Variants in CREB5 observed in about 807,000 individuals in gnomAD.
CREB5 encodes the protein cAMP responsive element binding protein 5.
CREB5 carries 19 observed loss-of-function variants against 57.1 expected under a neutral mutation model. The observed-to-expected ratio is 0.33, with a 90% CI of 0.23 to 0.49. The LOEUF (loss-of-function observed/expected upper bound fraction) is 0.49. Ranked by LOEUF, CREB5 falls within the 20% of genes least tolerant of loss-of-function variation. The pLI is 0.99. For synonymous variants in CREB5, 238 were observed against 238.3 expected (o/e 1.00, Z 0.01); for missense variants, 579 against 671.6 (o/e 0.86, Z 1.52).
intron 4 of CREB5, among the ~76,000 whole-genome samples, chr7:28,517,719 G>C (rs565758252): frequency 6.6e-6 from 1 of 152,084 alleles, no homozygotes; most frequent in Non-Finnish European, 1.5e-5. Context: ...AATATCTGTC[G>C]CAGGCTTCTC....
intron 5 of CREB5, among the ~76,000 whole-genome samples, chr7:28,674,360 T>C (rs1434067139): frequency 6.6e-6 from 1 of 152,208 alleles, no homozygotes; most frequent in Non-Finnish European, 1.5e-5. Flanking sequence ...ATGTGTACTT[T>C]GGAGTCATCT....
chr7:28,660,348 T>C (rs1286395963), intron 5 of CREB5, among the ~76,000 whole-genome samples: 2 of 150,760 alleles, frequency 1.3e-5, no homozygotes, highest in Non-Finnish European at 2.9e-5. Flanking sequence ...TAGCTTTCTA[T>C]ACCCAGCCAA....
intron 7 of CREB5, among the ~76,000 whole-genome samples, chr7:28,798,663 G>T (rs532398231): frequency 6.6e-6 from 1 of 152,278 alleles, no homozygotes; most frequent in Admixed American, 6.5e-5. Flanking sequence ...AAATGAAAAT[G>T]ACTCCTTTTG....
At chr7:28,714,185 G>A (rs572615187) in intron 5 of CREB5, among the ~76,000 whole-genome samples, 4 of 152,028 alleles carry the variant, frequency 2.6e-5, no homozygotes, top group East Asian at 3.9e-4. Context: ...GGCTGGTCTC[G>A]AACTCCTGGG....
At position 28,318,731 on chromosome 7, in the gene CREB5, A is replaced by G. The variant is rs1313635813; in HGVS notation, c.-25+19290A>G. Among the ~76,000 whole-genome samples, 4 of 152,312 alleles carry G rather than the reference A, an allele frequency of 2.6e-5. No individual in the cohort carries two copies. The East Asian group carries it at 7.7e-4, about 29-fold the overall frequency. Reference sequence around the variant, plus strand: ...AATGTCCTGCATCTAGTTCTACAGAATGAAATACTAGACTCTTAGAAGAGG... The same window carrying G: ...AATGTCCTGCATCTAGTTCTACAGAGTGAAATACTAGACTCTTAGAAGAGG... On this transcript the variant is annotated intron_variant, in intron 1 of 9. Transcript: ENST00000396299.
intron 5 of CREB5, among the ~76,000 whole-genome samples, chr7:28,580,513 A>G (rs1391396123): frequency 3.4e-5 from 5 of 147,950 alleles, no homozygotes; most frequent in Middle Eastern, 3.4e-3. Context: ...GGCACTTTGC[A>G]GAGAACCAGA....
chr7:28,607,735 C>CTGTGTG (rs573980917), intron 5 of CREB5, among the ~76,000 whole-genome samples: 149 of 129,280 alleles, frequency 1.2e-3, no homozygotes, highest in South Asian at 3.9e-3. Context: ...GCCCACAGGG[C>CTGTGTG]TGTGTGTGTG....
At chr7:28,767,261 T>C (rs1342161896) in intron 7 of CREB5, among the ~76,000 whole-genome samples, 5 of 152,184 alleles carry the variant, frequency 3.3e-5, no homozygotes, top group South Asian at 4.1e-4. Context: ...TTTATTTTCA[T>C]TGTAATTATG....
At chr7:28,310,689 G>A (rs1254939253) in intron 1 of CREB5, among the ~76,000 whole-genome samples, 1 of 152,142 alleles carries the variant, frequency 6.6e-6, no homozygotes, top group Admixed American at 6.5e-5. Flanking sequence ...TTAAGATCTT[G>A]CTTTATTTGC....
intron 7 of CREB5, among the ~76,000 whole-genome samples, chr7:28,750,124 G>T (rs1804897779): frequency 6.6e-6 from 1 of 151,840 alleles, no homozygotes; most frequent in African/African-American, 2.4e-5. Flanking sequence ...TAGTATTTTT[G>T]AAATGAGAAT....
chr7:28,410,341 C>A, upstream of CREB5: 1 of 456,686 alleles, frequency 2.2e-6, no homozygotes, highest in Non-Finnish European at 4.4e-6. Flanking sequence ...AGCTCCGGCT[C>A]GAGCTTTGGC....
chr7:28,397,342 T>A (rs1240047296), intron 1 of CREB5, among the ~76,000 whole-genome samples: 1 of 152,170 alleles, frequency 6.6e-6, no homozygotes, highest in Non-Finnish European at 1.5e-5. Context: ...GAAGGATCTA[T>A]TTGGGGAAAC....
chr7:28,566,187 C>T (rs1795469648), intron 4 of CREB5, among the ~76,000 whole-genome samples: 1 of 152,218 alleles, frequency 6.6e-6, no homozygotes, highest in Non-Finnish European at 1.5e-5. Context: ...GGATGTTTCA[C>T]TTCTCCTAAA....
At chr7:28,819,052 A>C (rs1809607015) in intron 10 of CREB5, 64 bp from the exon 11 acceptor site, 2 of 1,531,366 alleles carry the variant, frequency 1.3e-6, no homozygotes, top group Non-Finnish European at 8.8e-7. Flanking sequence ...CCACAAGTCC[A>C]TACAAAAAAG....
At chr7:28,746,140 G>T (rs992723904) in intron 7 of CREB5, among the ~76,000 whole-genome samples, 1 of 152,172 alleles carries the variant, frequency 6.6e-6, no homozygotes, top group Non-Finnish European at 1.5e-5. Flanking sequence ...CTCTAAGGAG[G>T]TACAAAGCTA....
At chr7:28,741,058 G>A (rs1804303537) in intron 7 of CREB5, among the ~76,000 whole-genome samples, 1 of 147,106 alleles carries the variant, frequency 6.8e-6, no homozygotes. Flanking sequence ...AAAGGTTGTT[G>A]AGTTACCAAA....
intron 7 of CREB5, among the ~76,000 whole-genome samples, chr7:28,774,304 AT>A (rs1452724574): frequency 6.6e-6 from 1 of 152,006 alleles, no homozygotes; most frequent in Admixed American, 6.6e-5. Context: ...GTCCTGTCCC[AT>A]TTTTCTGCAT....
At chr7:28,518,906 C>T (rs577781297) in intron 4 of CREB5, among the ~76,000 whole-genome samples, 1 of 152,314 alleles carries the variant, frequency 6.6e-6, no homozygotes, top group Admixed American at 6.5e-5. Flanking sequence ...TATTTTCTCA[C>T]TGGTAAAATG....
At chr7:28,516,815 T>A (rs1364240420) in intron 4 of CREB5, among the ~76,000 whole-genome samples, 1 of 152,192 alleles carries the variant, frequency 6.6e-6, no homozygotes, top group Non-Finnish European at 1.5e-5. Flanking sequence ...GGCTGCAATT[T>A]CAAGGTATTA....
Sources: allele counts gnomAD v4.1 joint callset (sites outside exome capture counted in the v4.1 genomes callset), GRCh38; gene constraint gnomAD v4.1.1; transcripts MANE v1.5; gene names NCBI Gene and HGNC (gene_info 2026-07-23, HGNC 2026-07-21).